The following VPS41 variants were observed in gnomAD, a reference collection of about 807,000 sequenced individuals.
VPS41 encodes VPS41 subunit of HOPS complex, also known as vacuolar protein sorting-associated protein 41 homolog.
Under a neutral mutation model 130.9 loss-of-function variants are expected in VPS41, and 85 were observed. The observed-to-expected ratio is 0.65, with a 90% CI of 0.55 to 0.78. The LOEUF is 0.78. Ranked by LOEUF, VPS41 falls within the 30% of genes least tolerant of loss-of-function variation. VPS41 has a pLI of 0.00. For missense variants in VPS41, 874 were observed against 1,018.7 expected (o/e 0.86, Z 1.93); for synonymous variants, 335 against 332.9 (o/e 1.01, Z -0.07).
At chr7:38,758,222 G>T in intron 18 of VPS41, 132 bp downstream of exon 18, 1 of 805,018 alleles carries the variant, frequency 1.2e-6, no homozygotes, top group Non-Finnish European at 1.9e-6. Flanking sequence ...TTTATGAGAG[G>T]TTTTTACTAA....
At chr7:38,808,792 CA>C (rs1182204627) in intron 7 of VPS41, among the ~76,000 whole-genome samples, 1 of 152,126 alleles carries the variant, frequency 6.6e-6, no homozygotes, top group Non-Finnish European at 1.5e-5. Context: ...ACCCCAGCTC[CA>C]ATCTGACCCA....
intron 4 of VPS41, among the ~76,000 whole-genome samples, chr7:38,843,677 G>A (rs1348068045): frequency 2.0e-5 from 3 of 146,944 alleles, no homozygotes; most frequent in Non-Finnish European, 4.5e-5. Context: ...GTGAGACTCC[G>A]TCTCAAAAAA....
intron 3 of VPS41, among the ~76,000 whole-genome samples, chr7:38,863,091 T>C (rs997036370): frequency 6.6e-5 from 10 of 152,224 alleles, no homozygotes; most frequent in African/African-American, 2.4e-4. Flanking sequence ...CCATGCCATA[T>C]TGAGAGACCG....
At chr7:38,745,486 C>A in intron 23 of VPS41, 73 bp downstream of exon 23, 1 of 1,255,938 alleles carries the variant, frequency 8.0e-7, no homozygotes, top group Admixed American at 1.7e-5. Context: ...TATGTCCTTT[C>A]TTACACAATT....
chr7:38,751,176 A>G (rs1562571337), intron 22 of VPS41, among the ~76,000 whole-genome samples: 1 of 152,228 alleles, frequency 6.6e-6, no homozygotes, highest in Admixed American at 6.5e-5. Context: ...CAGTACTCCA[A>G]TGCATTTAAT....
intron 25 of VPS41, among the ~76,000 whole-genome samples, chr7:38,738,529 C>T (rs1413149717): frequency 6.6e-6 from 1 of 152,124 alleles, no homozygotes; most frequent in Non-Finnish European, 1.5e-5. Context: ...CAAAAATGGA[C>T]ATAAACGCTC....
intron 9 of VPS41, among the ~76,000 whole-genome samples, chr7:38,790,386 C>T (rs1182411654): frequency 6.6e-6 from 1 of 152,044 alleles, no homozygotes; most frequent in Non-Finnish European, 1.5e-5. Flanking sequence ...GATTCTTCTA[C>T]AACATAATTC....
intron 11 of VPS41, among the ~76,000 whole-genome samples, chr7:38,774,781 G>C (rs1444114745): frequency 6.6e-6 from 1 of 152,116 alleles, no homozygotes; most frequent in Non-Finnish European, 1.5e-5. Flanking sequence ...AACTCCCTAA[G>C]AGCAGAAATC....
intron 2 of VPS41, among the ~76,000 whole-genome samples, chr7:38,884,304 C>A (rs3801116): frequency 0.26 from 39,101 of 152,086 alleles, 6,433 homozygotes; most frequent in Non-Finnish European, 0.38. Context: ...AAATTAATTT[C>A]TCATTCAACT....
chr7:38,809,496 AT>A (rs757989478), intron 7 of VPS41, among the ~76,000 whole-genome samples: 2 of 151,976 alleles, frequency 1.3e-5, no homozygotes, highest in Non-Finnish European at 2.9e-5. Context: ...TTACAGTTTT[AT>A]AAAAAGCTTC....
At chr7:38,729,196 A>G (rs1387669548) in intron 25 of VPS41, among the ~76,000 whole-genome samples, 1 of 152,242 alleles carries the variant, frequency 6.6e-6, no homozygotes, top group Admixed American at 6.5e-5. Flanking sequence ...ATCTTTACCC[A>G]GAATGAAAAC....
chr7:38,891,576 A>G (rs1584449313), intron 2 of VPS41, among the ~76,000 whole-genome samples: 1 of 152,238 alleles, frequency 6.6e-6, no homozygotes, highest in East Asian at 1.9e-4. Flanking sequence ...AATATCTGCC[A>G]TATTGCCTCT....
At chr7:38,876,223 G>A (rs940828186) in intron 2 of VPS41, among the ~76,000 whole-genome samples, 1 of 152,142 alleles carries the variant, frequency 6.6e-6, no homozygotes, top group African/African-American at 2.4e-5. Flanking sequence ...CCCCAAGGTT[G>A]AAAAATTCTG....
At chr7:38,798,293 TTTTA>T (rs199542883) in intron 7 of VPS41, among the ~76,000 whole-genome samples, 2,618 of 152,148 alleles carry the variant, frequency 0.017, 30 homozygotes, top group Non-Finnish European at 0.027. Context: ...AAACAATTAT[TTTTA>T]TTTATTTATT....
intron 6 of VPS41, among the ~76,000 whole-genome samples, chr7:38,818,899 A>G (rs1029118071): frequency 6.6e-6 from 1 of 152,102 alleles, no homozygotes; most frequent in African/African-American, 2.4e-5. Context: ...TCTTCCTACA[A>G]TGTCATTTTT....
At position 38,726,317 on chromosome 7, in the gene VPS41, C is replaced by T; in HGVS notation, c.2494G>A (p.Ala832Thr). The T allele has an allele frequency of 6.2e-7, 1 of 1,612,170 alleles. No homozygotes were observed. The highest frequency in any genetic ancestry group is 8.5e-7 in the Non-Finnish European group (1 of 1,178,792). ...CLPMPSMNSA[A>T]QFCNICSAKN... Reference sequence around the variant, plus strand: ...GCACTGCAGATGTTGCAGAACTGTGCAGCAGAGTTCTAAAAATGCAATTTA... The same window carrying T: ...GCACTGCAGATGTTGCAGAACTGTGTAGCAGAGTTCTAAAAATGCAATTTA... Residue 832 changes from alanine to threonine, a missense_variant, in exon 29 of 29, where the codon GCA (alanine) becomes ACA (threonine). Transcript: ENST00000310301.
At position 38,869,244 on chromosome 7, in the gene VPS41, T is replaced by G; in HGVS notation, c.70A>C (p.Ser24Arg). The change falls in exon 3 of 29, where the codon AGC (serine) becomes CGC (arginine). Residue 24 changes from serine to arginine, a missense_variant. By Grantham distance (110) the Ser-to-Arg change is moderately radical. Coordinates refer to ENST00000310301, the MANE Select transcript of VPS41 (RefSeq NM_014396.4). ...ESTDESEEEE[S>R]EEEPKLKYER... Reference sequence around the variant, plus strand: ...TACTTCAGCTTGGGTTCCTCTTCGCTCTCTTCTTCCTGCACAAACGGCAAA... The same window carrying G: ...TACTTCAGCTTGGGTTCCTCTTCGCGCTCTTCTTCCTGCACAAACGGCAAA... 6.2e-7 allele frequency: 1 copy of G among 1,610,968 alleles called. No homozygotes were observed.
intron 22 of VPS41, among the ~76,000 whole-genome samples, chr7:38,748,224 C>T (rs767078721): frequency 2.0e-5 from 3 of 151,916 alleles, no homozygotes; most frequent in East Asian, 1.9e-4. Context: ...CGCGCGCGTG[C>T]GCGCACACAC....
intron 7 of VPS41, among the ~76,000 whole-genome samples, chr7:38,811,765 T>C (rs1404069936): frequency 6.6e-6 from 1 of 151,990 alleles, no homozygotes. Flanking sequence ...AGAATGATGA[T>C]ATATAATGGC....
Sources: gnomAD v4.1 joint callset for allele counts (sites outside exome capture counted in the v4.1 genomes callset) on GRCh38, gnomAD v4.1.1 for gene constraint, MANE v1.5 for transcripts, NCBI Gene and HGNC (gene_info 2026-07-23, HGNC 2026-07-21) for gene names.